Variants in CCNB3 observed in about 807,000 individuals in gnomAD.
The protein encoded by CCNB3 is G2/mitotic-specific cyclin-B3.
Under a neutral mutation model 68.0 loss-of-function variants are expected in CCNB3, and 12 were observed. The ratio of observed to expected loss-of-function variants is 0.18; its 90% confidence interval spans 0.11 to 0.29. The LOEUF is 0.29. Among genes scored for constraint, CCNB3 ranks in the 10% least tolerant of loss-of-function variants. The pLI is 1.00. For synonymous variants in CCNB3, 354 were observed against 388.9 expected (o/e 0.91, Z 1.06); for missense variants, 904 against 993.1 (o/e 0.91, Z 1.21).
chrX:50,306,586 A>G (rs1252944145), intron 5 of CCNB3, among the ~76,000 whole-genome samples: 1 of 111,821 alleles, frequency 8.9e-6, no homozygotes, highest in Non-Finnish European at 1.9e-5. Flanking sequence ...ACCATCAAGT[A>G]CGATGTTTGC....
intron 3 of CCNB3, among the ~76,000 whole-genome samples, chrX:50,286,830 G>A (rs1172914808): frequency 9.1e-6 from 1 of 110,162 alleles, no homozygotes; most frequent in African/African-American, 3.3e-5. Context: ...TTGTATTTTT[G>A]ATAGAGACGG....
intron 8 of CCNB3, among the ~76,000 whole-genome samples, chrX:50,317,176 G>T (rs142143464): frequency 8.9e-6 from 1 of 112,051 alleles, no homozygotes; most frequent in Non-Finnish European, 1.9e-5. Flanking sequence ...TTCCTTAAGG[G>T]TTAATAATGT....
chrX:50,293,617 A>G (rs1176174744), intron 4 of CCNB3, among the ~76,000 whole-genome samples: 2 of 111,711 alleles, frequency 1.8e-5, no homozygotes, highest in Non-Finnish European at 3.8e-5. Context: ...TTCTATATTG[A>G]GAACCCTGGC....
intron 8 of CCNB3, among the ~76,000 whole-genome samples, chrX:50,334,343 C>A (rs1168800368): frequency 8.9e-6 from 1 of 112,752 alleles, no homozygotes; most frequent in Non-Finnish European, 1.9e-5. Context: ...GTGTTACAGA[C>A]TTCAGTGGTT....
At position 50,311,473 on chromosome X, in the gene CCNB3, C is replaced by A; in HGVS notation, c.3304C>A (p.Gln1102Lys). 8.3e-7 allele frequency: 1 copy of A among 1,205,221 alleles called. No individual in the cohort carries two copies. The highest frequency in any genetic ancestry group is 1.1e-6 in the Non-Finnish European group (1 of 890,968). ...ESASDKPVSP[Q>K]AKGTPKEITP... ...TGCTTCTGATAAACCTGTCTCACCA[C>A]AGGCCAAGGGAACACCAAAGGAGGT... is the stretch of plus-strand genomic sequence containing the variant. Residue 1102 changes from glutamine to lysine, a missense_variant, in exon 6 of 13, where the codon CAG becomes AAG. Coordinates refer to ENST00000376042, the MANE Select transcript of CCNB3 (RefSeq NM_033031.3).
chrX:50,334,284 A>C (rs1232446703), intron 8 of CCNB3, among the ~76,000 whole-genome samples: 1 of 112,794 alleles, frequency 8.9e-6, no homozygotes, highest in Non-Finnish European at 1.9e-5. Context: ...CTACACAGTT[A>C]TGCTCTACCA....
intron 1 of CCNB3, among the ~76,000 whole-genome samples, chrX:50,279,559 G>GAATATATATTCATATATATA (rs1936054220): frequency 1.2e-5 from 1 of 81,921 alleles, no homozygotes; most frequent in African/African-American, 4.6e-5. Context: ...ATAAATATAT[G>GAATATATATTCATATATATA]AATATATATT....
Position 50,294,446 on chromosome X carries a change from A to C in CCNB3, c.205-417A>C, listed in dbSNP as rs7885987. ...ATGTAGTGTTAGAGGTATATCCTGA[A>C]GAGGCACACCCAGACAGCAAAGTCA... On this transcript the variant is annotated intron_variant, in intron 4 of 12. Transcript: ENST00000376042. Among the ~76,000 whole-genome samples the C allele has an allele frequency of 3.8e-3, 423 of 111,397 alleles. 3 individuals carry two copies. The highest frequency in any genetic ancestry group is 0.013 in the African/African-American group (398 of 30,682).
intron 4 of CCNB3, 150 bp downstream of exon 4, chrX:50,289,037 G>A (rs1268419490): frequency 1.9e-5 from 8 of 419,153 alleles, no homozygotes; most frequent in African/African-American, 1.7e-4. Flanking sequence ...AGAAACTGCA[G>A]GGGCTCTGTT....
chrX:50,317,567 G>GTATT (rs1557215962), intron 8 of CCNB3, among the ~76,000 whole-genome samples: 2 of 108,338 alleles, frequency 1.8e-5, no homozygotes, highest in African/African-American at 6.9e-5. Flanking sequence ...ATGTATGTAT[G>GTATT]TATTTATTTA....
At chrX:50,283,590 T>G (rs767504501) in intron 1 of CCNB3, among the ~76,000 whole-genome samples, 9 of 111,540 alleles carry the variant, frequency 8.1e-5, no homozygotes, top group African/African-American at 1.6e-4. Context: ...CTGCAGACTT[T>G]TCTGTTTCCT....
intron 1 of CCNB3, among the ~76,000 whole-genome samples, chrX:50,216,269 TTG>T (rs1185678132): frequency 6.9e-5 from 7 of 101,620 alleles, no homozygotes; most frequent in South Asian, 9.0e-4. Context: ...GTGTGTGTGT[TTG>T]TGTGTGTGTG....
At chrX:50,319,190 G>T (rs73495639) in intron 8 of CCNB3, among the ~76,000 whole-genome samples, 2,568 of 110,945 alleles carry the variant, frequency 0.023, 64 homozygotes, top group African/African-American at 0.081. Context: ...CATTGTGCTT[G>T]AGGTGGTCTT....
At chrX:50,292,089 G>C (rs1557210183) in intron 4 of CCNB3, among the ~76,000 whole-genome samples, 1 of 111,337 alleles carries the variant, frequency 9.0e-6, no homozygotes, top group African/African-American at 3.3e-5. Flanking sequence ...TAAGTACAGT[G>C]TGTATTTCCT....
chrX:50,341,278 C>T (rs12011046), intron 8 of CCNB3, among the ~76,000 whole-genome samples: 2,115 of 107,570 alleles, frequency 0.02, 42 homozygotes, highest in African/African-American at 0.066. Flanking sequence ...TGCAGTGAGC[C>T]GAGATCGCAC....
At chrX:50,280,197 C>T (rs1448489041) in intron 1 of CCNB3, among the ~76,000 whole-genome samples, 3 of 23,196 alleles carry the variant, frequency 1.3e-4, no homozygotes, top group East Asian at 1.0e-3. Flanking sequence ...ATATATAGAA[C>T]ATATAAATAT....
chrX:50,214,345 T>C (rs1230065066), intron 1 of CCNB3, among the ~76,000 whole-genome samples: 99 of 102,869 alleles, frequency 9.6e-4, no homozygotes, highest in African/African-American at 3.3e-3. Flanking sequence ...AAGTTATGCT[T>C]GCATTGGATT....
chrX:50,228,638 T>C (rs1299051361), intron 1 of CCNB3, among the ~76,000 whole-genome samples: 1 of 83,220 alleles, frequency 1.2e-5, no homozygotes, highest in African/African-American at 4.4e-5. Flanking sequence ...AATATACATA[T>C]AGAATATATA....
chrX:50,203,496 C>A (rs781996237), upstream of CCNB3, among the ~76,000 whole-genome samples: 222 of 112,150 alleles, frequency 2.0e-3, 1 homozygote, highest in African/African-American at 7.0e-3. Context: ...ATTGGGAACA[C>A]CACTTCTTTT....
Sources: gnomAD v4.1 joint callset for allele counts (sites outside exome capture counted in the v4.1 genomes callset) on GRCh38, gnomAD v4.1.1 for gene constraint, MANE v1.5 for transcripts, NCBI Gene and HGNC (gene_info 2026-07-23, HGNC 2026-07-21) for gene names.